The following IL16 variants were observed in gnomAD, a reference collection of about 807,000 sequenced individuals.
IL16 encodes pro-interleukin-16.
IL16 carries 67 observed loss-of-function variants against 110.1 expected under a neutral mutation model. The observed-to-expected ratio is 0.61, with a 90% CI of 0.50 to 0.75. The LOEUF is 0.75. Among genes scored for constraint, IL16 ranks in the 30% least tolerant of loss-of-function variants. The probability of loss-of-function intolerance (pLI) is 0.00; values close to 1 mark genes in which losing one functional copy is unlikely to be tolerated. For synonymous variants in IL16, 689 were observed against 662.9 expected, an observed-to-expected ratio of 1.04 and a Z score of -0.61; for missense variants, 1,545 against 1,655.0, an observed-to-expected ratio of 0.93 and a Z score of 1.15.
At chr15:81,271,268 TA>T (rs202045430) in intron 5 of IL16, among the ~76,000 whole-genome samples, 3,912 of 150,266 alleles carry the variant, frequency 0.026, 165 homozygotes, top group African/African-American at 0.091. Context: ...ATAAATAAAA[TA>T]AAATAAATTA....
At position 81,292,944 on chromosome 15, in the gene IL16, A is replaced by G; in HGVS notation, c.1809A>G (p.Lys603=). 1 of 1,614,202 alleles carries G rather than the reference A, an allele frequency of 6.2e-7. No individual in the cohort carries two copies. Among genetic ancestry groups the G allele is most frequent in the Non-Finnish European group, 8.5e-7 (1 of 1,180,038 alleles). ...MSSKPKPPPR[K]YFKSDSDPQK... ...CCAAGCCCAAGCCTCCACCCAGAAA[A>G]TACTTTAAAAGTGACAGTGACCCTC... The change falls in exon 12 of 19, where the codon AAA becomes AAG. Residue 603 remains lysine, a synonymous_variant. Transcript: ENST00000683961.
At chr15:81,261,191 C>T (rs7171540) in intron 3 of IL16, among the ~76,000 whole-genome samples, 1 of 152,082 alleles carries the variant, frequency 6.6e-6, no homozygotes, top group South Asian at 2.1e-4. Context: ...TGAAAAGGCA[C>T]GATTGCTGTT....
upstream of IL16, among the ~76,000 whole-genome samples, chr15:81,195,428 C>T (rs890515864): frequency 5.3e-5 from 8 of 152,156 alleles, no homozygotes; most frequent in South Asian, 2.1e-4. Flanking sequence ...GCTGAGCAGG[C>T]GACACTGACA....
At chr15:81,233,271 G>A (rs963022945) in intron 2 of IL16, among the ~76,000 whole-genome samples, 1 of 152,006 alleles carries the variant, frequency 6.6e-6, no homozygotes, top group Non-Finnish European at 1.5e-5. Flanking sequence ...GTAACATTTT[G>A]CATAACTCTA....
At chr15:81,247,064 TCTTTTCTTTTC>T (rs1897576525) in intron 2 of IL16, among the ~76,000 whole-genome samples, 1 of 142,794 alleles carries the variant, frequency 7.0e-6, no homozygotes, top group South Asian at 2.1e-4. Context: ...GTGTTTTCTT[TCTTTTCTTTTC>T]CTTTTTTTTT....
chr15:81,287,837 G>A (rs1899519079), intron 10 of IL16, among the ~76,000 whole-genome samples: 1 of 152,172 alleles, frequency 6.6e-6, no homozygotes, highest in South Asian at 2.1e-4. Flanking sequence ...CACAATCAGA[G>A]ACAAGCAAAC....
intron 2 of IL16, 53 bp downstream of exon 2, chr15:81,225,764 G>A (rs1416758327): frequency 7.3e-7 from 1 of 1,364,656 alleles, no homozygotes; most frequent in Non-Finnish European, 9.9e-7. Context: ...TTCTGGTGCT[G>A]TGAATTAAAG....
intron 2 of IL16, among the ~76,000 whole-genome samples, chr15:81,233,806 T>C (rs1897094657): frequency 6.6e-6 from 1 of 152,056 alleles, no homozygotes; most frequent in Non-Finnish European, 1.5e-5. Context: ...GAATAGCTTG[T>C]TAGCTATTTT....
Position 81,301,424 on chromosome 15 carries a change from C to T in IL16, c.3230C>T (p.Ser1077Phe), listed in dbSNP as rs1202943048. The change falls in exon 15 of 19, where the codon TCT (serine) becomes TTT (phenylalanine). Residue 1077 changes from serine to phenylalanine, a missense_variant. Physicochemically the swap from Ser to Phe is radical, Grantham distance 155 (BLOSUM62 -2). Coordinates refer to ENST00000683961, the MANE Select transcript of IL16 (RefSeq NM_172217.5). The part of the protein sequence containing the change: ...DDDGDHSSLQ[S>F]GQSVISLLSS... ...GATGGGGACCACAGTTCCCTTCAGT[C>T]TGGTCAGTCCGTTATCTCCCTGCTG... 6.2e-7 allele frequency: 1 copy of T among 1,613,942 alleles called. No individual in the cohort carries two copies. The highest frequency in any genetic ancestry group is 1.7e-5 in the Admixed American group (1 of 60,024).
chr15:81,236,547 G>T (rs1464529946), intron 2 of IL16, among the ~76,000 whole-genome samples: 1 of 152,182 alleles, frequency 6.6e-6, no homozygotes, highest in East Asian at 1.9e-4. Context: ...TGTTTTTATT[G>T]CCAGAAAACA....
In IL16 at chr15:81,187,324, G is replaced by A. The variant is rs570236726; in HGVS notation, c.40+4428G>A. 1.2e-4 allele frequency among the ~76,000 whole-genome samples: 19 copies of A among 152,336 alleles called. No homozygotes were observed. In the South Asian group the frequency reaches 3.7e-3, roughly 30 times the overall value. ...AAAATGTTATCATCACTGGCTGGAT[G>A]CAGTGGCTCACATCCGTAATCGCTA... is the stretch of plus-strand genomic sequence containing the variant. On this transcript the variant is annotated intron_variant, in intron 1 of 18. Coordinates refer to the IL16 transcript ENST00000302987.
chr15:81,259,696 T>C (rs1260532055), intron 2 of IL16, 76 bp from the exon 3 acceptor site: 2 of 869,820 alleles, frequency 2.3e-6, no homozygotes, highest in African/African-American at 3.3e-5. Context: ...CTATGGTCAG[T>C]GTCAAAATCC....
chr15:81,279,281 A>T (rs193285733), intron 7 of IL16, among the ~76,000 whole-genome samples: 84 of 151,922 alleles, frequency 5.5e-4, no homozygotes, highest in African/African-American at 1.9e-3. Flanking sequence ...ATCTCTATCT[A>T]TTCATCCATC....
At chr15:81,203,162 T>G (rs1895884840) in intron 1 of IL16, among the ~76,000 whole-genome samples, 1 of 142,242 alleles carries the variant, frequency 7.0e-6, no homozygotes, top group Non-Finnish European at 1.5e-5. Context: ...ACCCACTTTT[T>G]GATGGGGTTG....
At chr15:81,284,482 C>T (rs148616916) in intron 9 of IL16, among the ~76,000 whole-genome samples, 250 of 152,332 alleles carry the variant, frequency 1.6e-3, no homozygotes, top group African/African-American at 5.6e-3. Flanking sequence ...CTAGTACCCT[C>T]GGACAGAGAG....
intron 2 of IL16, among the ~76,000 whole-genome samples, chr15:81,249,626 G>C (rs1220469535): frequency 3.3e-5 from 5 of 151,942 alleles, no homozygotes; most frequent in Admixed American, 2.6e-4. Flanking sequence ...TCTTCTATAT[G>C]TTTTAGTGTT....
At position 81,292,806 on chromosome 15, in the gene IL16, A is replaced by G; in HGVS notation, c.1671A>G (p.Ile557Met). The G allele has an allele frequency of 2.5e-6, 4 of 1,614,124 alleles. No individual in the cohort carries two copies. Among genetic ancestry groups the G allele is most frequent in the Non-Finnish European group, 3.4e-6 (4 of 1,180,020 alleles). The change falls in exon 12 of 19, where the codon ATA becomes ATG. Residue 557 changes from isoleucine (I) to methionine (M), a missense_variant. Coordinates refer to ENST00000683961, the MANE Select transcript of IL16 (RefSeq NM_172217.5). ...CACGGGAGCCAGTGGTGCTTTCTAT[A>G]GCATCCTCCAGGCTGCCCCAGGAGA... ...PLAREPVVLS[I>M]ASSRLPQESP...
chr15:81,260,635 G>C (rs1222506963), intron 3 of IL16, among the ~76,000 whole-genome samples: 2 of 152,276 alleles, frequency 1.3e-5, no homozygotes, highest in African/African-American at 4.8e-5. Context: ...GATTTTGTCT[G>C]AGTTTGTGAT....
intron 2 of IL16, among the ~76,000 whole-genome samples, chr15:81,232,422 G>A (rs1897039978): frequency 6.6e-6 from 1 of 152,034 alleles, no homozygotes; most frequent in Non-Finnish European, 1.5e-5. Context: ...CTAATCTCAA[G>A]GGGAAAGTTT....
Sources: allele counts gnomAD v4.1 joint callset (sites outside exome capture counted in the v4.1 genomes callset), GRCh38; gene constraint gnomAD v4.1.1; transcripts MANE v1.5; gene names NCBI Gene and HGNC (gene_info 2026-07-23, HGNC 2026-07-21).